MPP7: variants seen among roughly 807,000 people sequenced by gnomAD.
MPP7 encodes MAGUK p55 subfamily member 7.
MPP7 carries 60 observed loss-of-function variants against 76.5 expected under a neutral mutation model. The observed-to-expected ratio is 0.78, with a 90% confidence interval of 0.64 to 0.97. The LOEUF is 0.97. Ranked by LOEUF, MPP7 falls within the 50% of genes least tolerant of loss-of-function variation. The probability of loss-of-function intolerance (pLI) is 0.00; values close to 1 mark genes in which losing one functional copy is unlikely to be tolerated. For synonymous variants in MPP7, 237 were observed against 244.5 expected, an observed-to-expected ratio of 0.97 and a Z score of 0.29; for missense variants, 641 against 694.0, an observed-to-expected ratio of 0.92 and a Z score of 0.86.
chr10:28,074,438 C>T (rs1201358088), intron 12 of MPP7, among the ~76,000 whole-genome samples: 1 of 152,134 alleles, frequency 6.6e-6, no homozygotes, highest in Non-Finnish European at 1.5e-5. Context: ...GCTGGGATTA[C>T]AGGTGTGCAC....
chr10:28,089,535 G>A lies in MPP7; in HGVS notation c.1123+136C>T. Reference sequence around the variant, plus strand: ...TTACGTACAAAAAACTAAAGATTTTGTTTCAGAGACAAGACAAAAGGTGTT... The same window carrying A: ...TTACGTACAAAAAACTAAAGATTTTATTTCAGAGACAAGACAAAAGGTGTT... On this transcript the variant is annotated intron_variant, in intron 12 of 16. Transcript: ENST00000683449. The A allele has an allele frequency of 3.9e-6, 3 of 760,082 alleles. No individual in the cohort carries two copies. In the South Asian group the frequency reaches 7.0e-5, roughly 18 times the overall value. The allele number at this position is 760,082 out of a possible 1,614,324, so 47.1% of individuals were successfully genotyped here.
chr10:28,150,163 A>G (rs1162302052), intron 3 of MPP7, 104 bp from the exon 4 acceptor site: 3 of 777,066 alleles, frequency 3.9e-6, no homozygotes, highest in Admixed American at 2.2e-5. Flanking sequence ...TGAATATCCT[A>G]AAGTTATATG....
chr10:28,262,230 TA>T lies in MPP7; in HGVS notation c.-131-23496del, dbSNP rs1839996730. On this transcript the variant is annotated intron_variant, in intron 1 of 16. Coordinates refer to ENST00000683449, the MANE Select transcript of MPP7 (RefSeq NM_001318170.2). ...ATACATATATATATATATATACATA[TA>T]TATATATATATACATATATATATAT... 3.9e-5 allele frequency among the ~76,000 whole-genome samples: 3 copies of T among 76,226 alleles called. 1 individual carries two copies. The highest frequency in any genetic ancestry group is 6.6e-5 in the Non-Finnish European group (3 of 45,576). 50.0% of individuals were successfully genotyped at this position (76,226 alleles called of 152,430 possible). A position where few individuals can be genotyped will look rare whatever the true frequency, so the allele number is the denominator to read the frequency against.
intron 2 of MPP7, among the ~76,000 whole-genome samples, chr10:28,214,910 G>A (rs939307692): frequency 6.6e-6 from 1 of 152,100 alleles, no homozygotes; most frequent in Non-Finnish European, 1.5e-5. Context: ...CTCTCCACGT[G>A]GCTCCTGGGG....
rs1045933094 is a variant in MPP7 at position 28,053,478 on chromosome 10, A to C, written c.*587T>G. The C allele has an allele frequency of 1.3e-5, 2 of 152,250 alleles. No homozygotes were observed. Among genetic ancestry groups the C allele is most frequent in the Non-Finnish European group, 1.5e-5 (1 of 68,056 alleles). The allele number at this position is 152,250 out of a possible 1,614,324, so 9.4% of individuals were successfully genotyped here. A position where few individuals can be genotyped will look rare whatever the true frequency, so the allele number is the denominator to read the frequency against. ...CTATATTATGAAGGCCATTCACTCA[A>C]GGTAAAATTTCAGTTACTCCTTTAA... On this transcript the variant is annotated 3_prime_UTR_variant, in exon 17 of 17. Coordinates refer to ENST00000683449, the MANE Select transcript of MPP7 (RefSeq NM_001318170.2).
intron 1 of MPP7, among the ~76,000 whole-genome samples, chr10:28,251,498 C>A (rs546302185): frequency 3.4e-4 from 51 of 152,088 alleles, no homozygotes; most frequent in Middle Eastern, 3.4e-3. Context: ...AATAAAAATT[C>A]TAATTGTGAT....
chr10:28,205,489 C>A (rs1405310666), intron 2 of MPP7, among the ~76,000 whole-genome samples: 1 of 152,094 alleles, frequency 6.6e-6, no homozygotes, highest in East Asian at 1.9e-4. Flanking sequence ...GGTCTTTGGG[C>A]AAGAACTGAG....
chr10:28,169,011 TA>T (rs945820421), intron 3 of MPP7, among the ~76,000 whole-genome samples: 4 of 152,056 alleles, frequency 2.6e-5, no homozygotes, highest in African/African-American at 9.7e-5. Flanking sequence ...TACAAGTCTG[TA>T]ACAAGGAGTT....
chr10:28,325,783 C>T (rs1273065451), intron 2 of MPP7, among the ~76,000 whole-genome samples: 1 of 151,944 alleles, frequency 6.6e-6, no homozygotes, highest in Non-Finnish European at 1.5e-5. Context: ...CATGAGCCAC[C>T]GCGCCTGGCC....
intron 13 of MPP7, among the ~76,000 whole-genome samples, chr10:28,064,915 T>A (rs931681173): frequency 3.9e-5 from 6 of 152,202 alleles, no homozygotes; most frequent in African/African-American, 1.4e-4. Flanking sequence ...ACTAAAGTTT[T>A]GCAGCAGAAA....
At chr10:28,069,647 T>C in intron 13 of MPP7, 125 bp downstream of exon 13, 1 of 585,214 alleles carries the variant, frequency 1.7e-6, no homozygotes, top group Non-Finnish European at 2.8e-6. Flanking sequence ...GCCCCATAAA[T>C]ACATATACCT....
intron 2 of MPP7, among the ~76,000 whole-genome samples, chr10:28,234,208 A>G (rs1347337920): frequency 2.6e-5 from 4 of 152,174 alleles, no homozygotes; most frequent in African/African-American, 9.7e-5. Context: ...ATGAGCCCAC[A>G]TTGATGGGGG....
intron 2 of MPP7, among the ~76,000 whole-genome samples, chr10:28,215,576 T>G (rs1838283515): frequency 6.6e-6 from 1 of 152,072 alleles, no homozygotes. Flanking sequence ...TTGGAGGTGC[T>G]GAAGTGAGGA....
chr10:28,059,827 ATT>A (rs1851706862), intron 13 of MPP7, 84 bp from the exon 14 acceptor site: 1 of 922,492 alleles, frequency 1.1e-6, no homozygotes, highest in East Asian at 2.5e-5. Flanking sequence ...AGGGTATTTA[ATT>A]AGTTTTTTCA....
intron 2 of MPP7, among the ~76,000 whole-genome samples, chr10:28,315,721 A>G (rs977908208): frequency 3.9e-5 from 6 of 152,196 alleles, no homozygotes; most frequent in Non-Finnish European, 7.3e-5. Flanking sequence ...CAGAGAGGTG[A>G]AGAATACCTC....
At chr10:28,222,838 C>G (rs1476950750) in intron 2 of MPP7, among the ~76,000 whole-genome samples, 1 of 135,168 alleles carries the variant, frequency 7.4e-6, no homozygotes, top group African/African-American at 2.9e-5. Flanking sequence ...GGTGACAGAG[C>G]AAGACTCCAT....
chr10:28,109,865 A>C (rs199903514), intron 11 of MPP7, among the ~76,000 whole-genome samples: 1,675 of 149,340 alleles, frequency 0.011, 65 homozygotes, highest in East Asian at 0.098. Context: ...AAAAAAAAAA[A>C]AAAAAAAACA....
chr10:28,147,394 G>T, intron 5 of MPP7, 89 bp downstream of exon 5: 1 of 967,196 alleles, frequency 1.0e-6, no homozygotes, highest in Non-Finnish European at 1.7e-6. Context: ...ACATTTACTT[G>T]AGAATTGATG....
At chr10:28,206,468 ATGT>A (rs910373642) in intron 2 of MPP7, among the ~76,000 whole-genome samples, 3 of 152,166 alleles carry the variant, frequency 2.0e-5, no homozygotes, top group Non-Finnish European at 4.4e-5. Context: ...ACTTTTACAG[ATGT>A]TGATAAAATG....
Sources: gnomAD v4.1 joint callset for allele counts (sites outside exome capture counted in the v4.1 genomes callset) on GRCh38, gnomAD v4.1.1 for gene constraint, MANE v1.5 for transcripts, NCBI Gene and HGNC (gene_info 2026-07-23, HGNC 2026-07-21) for gene names.